Variants in CRTC1 observed in about 807,000 individuals in gnomAD.
CRTC1 encodes CREB regulated transcription coactivator 1, also known as CREB-regulated transcription coactivator 1.
CRTC1 carries 18 observed loss-of-function variants against 66.1 expected under a neutral mutation model. The ratio of observed to expected loss-of-function variants is 0.27; its 90% CI spans 0.19 to 0.40. CRTC1 has a LOEUF of 0.40. Ranked by LOEUF, CRTC1 falls within the 10% of genes least tolerant of loss-of-function variation. The pLI is 1.00. For missense variants in CRTC1, 669 were observed against 887.9 expected, an observed-to-expected ratio of 0.75 and a Z score of 3.13; for synonymous variants, 416 against 398.8, an observed-to-expected ratio of 1.04 and a Z score of -0.51.
intron 1 of CRTC1, among the ~76,000 whole-genome samples, chr19:18,687,215 G>C (rs1023959990): frequency 6.6e-6 from 1 of 151,944 alleles, no homozygotes; most frequent in Admixed American, 6.6e-5. Context: ...GGGGTTTGTA[G>C]TAGAGACCAT....
In CRTC1 at chr19:18,695,856, CT is replaced by C. The variant is rs566624499; in HGVS notation, c.126+12030del. 1.1e-4 allele frequency among the ~76,000 whole-genome samples: 17 copies of C among 152,194 alleles called. No homozygotes were observed. In the East Asian group the frequency reaches 3.3e-3, roughly 29 times the overall value. On this transcript the variant is annotated intron_variant, in intron 1 of 13. Transcript: ENST00000321949. Reference sequence around the variant, plus strand: ...CTCCAGCCTGGGCGACAGAGTGAGACTTCATCTCAAAAACAAACAAACAAAC... The same window carrying C: ...CTCCAGCCTGGGCGACAGAGTGAGACTCATCTCAAAAACAAACAAACAAAC...
intron 1 of CRTC1, among the ~76,000 whole-genome samples, chr19:18,689,638 A>T (rs1257316157): frequency 7.7e-6 from 1 of 129,978 alleles, no homozygotes; most frequent in East Asian, 2.4e-4. Flanking sequence ...ATTCAGTGGC[A>T]TTAAGTTTAT....
intron 12 of CRTC1, among the ~76,000 whole-genome samples, 183 bp downstream of exon 12, chr19:18,775,169 G>A (rs1270227230): frequency 2.0e-5 from 3 of 152,350 alleles, no homozygotes; most frequent in South Asian, 2.1e-4. Flanking sequence ...CTGAGTCCCC[G>A]GCAGGGGTGG....
At chr19:18,698,118 T>C (rs1381264830) in intron 1 of CRTC1, among the ~76,000 whole-genome samples, 1 of 149,710 alleles carries the variant, frequency 6.7e-6, no homozygotes, top group African/African-American at 2.5e-5. Context: ...AGGTGCACAG[T>C]TTGTGTTCTG....
Position 18,780,637 on chromosome 19 carries a change from G to A in CRTC1, c.*3255G>A, listed in dbSNP as rs1166786700. On this transcript the variant is annotated 3_prime_UTR_variant, in exon 14 of 14. Transcript: ENST00000321949. ...GGCTGTGAGCTGGGACCTCGCCTGA[G>A]CCCGGTCAGGTGGGACAGGAGCCTG... is the stretch of plus-strand genomic sequence containing the variant. 4.4e-6 allele frequency: 1 copy of A among 227,404 alleles called. No individual in the cohort carries two copies. Among genetic ancestry groups the A allele is most frequent in the Non-Finnish European group, 8.7e-6 (1 of 114,518 alleles). The allele number at this position is 227,404 out of a possible 1,614,324, so 14.1% of individuals were successfully genotyped here.
At chr19:18,708,776 A>G (rs576878538) in intron 1 of CRTC1, among the ~76,000 whole-genome samples, 3 of 152,266 alleles carry the variant, frequency 2.0e-5, no homozygotes, top group Admixed American at 6.5e-5. Flanking sequence ...ACCCTGTGGT[A>G]TCTTCCGTGG....
At chr19:18,749,034 C>G (rs982596249) in intron 4 of CRTC1, among the ~76,000 whole-genome samples, 3 of 152,134 alleles carry the variant, frequency 2.0e-5, no homozygotes, top group Non-Finnish European at 4.4e-5. Context: ...CACATTTTGC[C>G]TGGCAGCCAA....
intron 1 of CRTC1, among the ~76,000 whole-genome samples, chr19:18,703,999 C>G (rs961792729): frequency 4.6e-5 from 7 of 152,160 alleles, no homozygotes; most frequent in Non-Finnish European, 2.9e-5. Context: ...TTGAGGAGAG[C>G]TGGTCAGGTG....
At position 18,752,896 on chromosome 19, in the gene CRTC1, C is replaced by T. The variant is rs554387347; in HGVS notation, c.539-604C>T. ...CGGGCGATCTGCCCACCTCAGCCTC[C>T]CAAAGTGCTGGGATTACAGGCGTGA... On this transcript the variant is annotated intron_variant, in intron 5 of 13. Transcript: ENST00000321949. 7.2e-4 allele frequency among the ~76,000 whole-genome samples: 109 copies of T among 152,024 alleles called. 1 individual carries two copies. Among genetic ancestry groups the T allele is most frequent in the African/African-American group, 2.6e-3 (106 of 41,512 alleles).
chr19:18,693,259 T>C (rs1490900401), intron 1 of CRTC1, among the ~76,000 whole-genome samples: 1 of 150,380 alleles, frequency 6.6e-6, no homozygotes, highest in East Asian at 2.0e-4. Context: ...TGTGGTGGTG[T>C]GCACCTGTAG....
intron 1 of CRTC1, among the ~76,000 whole-genome samples, chr19:18,730,136 G>A (rs553772742): frequency 2.0e-4 from 30 of 152,248 alleles, no homozygotes; most frequent in Non-Finnish European, 3.4e-4. Flanking sequence ...ACCCTGGGAA[G>A]GTGGCCTGCA....
chr19:18,755,593 C>CT (rs58121199), intron 6 of CRTC1, among the ~76,000 whole-genome samples: 1,992 of 107,346 alleles, frequency 0.019, 102 homozygotes, highest in Non-Finnish European at 0.026. Flanking sequence ...CCAAACCTGG[C>CT]TTTTTTTTTT....
chr19:18,781,155 C>A lies in CRTC1; in HGVS notation c.*3773C>A. 1 of 227,480 alleles carries A rather than the reference C, an allele frequency of 4.4e-6. No individual in the cohort carries two copies. Among genetic ancestry groups the A allele is most frequent in the Non-Finnish European group, 8.7e-6 (1 of 114,486 alleles). The allele number at this position is 227,480 out of a possible 1,614,324, so 14.1% of individuals were successfully genotyped here. A position where few individuals can be genotyped will look rare whatever the true frequency, so the allele number is the denominator to read the frequency against. On this transcript the variant is annotated 3_prime_UTR_variant, in exon 14 of 14. Transcript: ENST00000321949. ...GCAGGGGCTCTCAGAGCAAGGGCCA[C>A]AAAGCCGATGGCACAGATGTGCCCC...
intron 1 of CRTC1, among the ~76,000 whole-genome samples, chr19:18,737,469 G>T (rs1341632998): frequency 2.0e-5 from 3 of 152,086 alleles, no homozygotes; most frequent in Non-Finnish European, 4.4e-5. Flanking sequence ...TGCTGGTCAT[G>T]CAGGGGTTAA....
In CRTC1 at chr19:18,781,731, TG is replaced by T; in HGVS notation, c.*4355del. The T allele has an allele frequency of 4.3e-6, 1 of 230,668 alleles. No individual in the cohort carries two copies. Among genetic ancestry groups the T allele is most frequent in the Non-Finnish European group, 8.6e-6 (1 of 116,488 alleles). The allele number at this position is 230,668 out of a possible 1,614,324, so 14.3% of individuals were successfully genotyped here. ...GGCCCCGGGCTCCTCCTGGGCAGGA[TG>T]GGGGGCAGGGGCTGGGCCTTGGGGT... On this transcript the variant is annotated 3_prime_UTR_variant, in exon 14 of 14. Coordinates refer to ENST00000321949, the MANE Select transcript of CRTC1 (RefSeq NM_015321.3).
At chr19:18,724,646 C>T (rs960390138) in intron 1 of CRTC1, among the ~76,000 whole-genome samples, 24 of 150,448 alleles carry the variant, frequency 1.6e-4, no homozygotes, top group Admixed American at 4.7e-4. Flanking sequence ...GTGGCTGCAT[C>T]GCCCCAATCC....
intron 1 of CRTC1, among the ~76,000 whole-genome samples, chr19:18,708,250 T>A (rs60021783): frequency 0.3 from 45,914 of 151,840 alleles, 7,877 homozygotes; most frequent in East Asian, 0.63. Flanking sequence ...TTGGACGTGA[T>A]CCCACAGCCA....
intron 4 of CRTC1, among the ~76,000 whole-genome samples, chr19:18,747,614 CAG>C (rs2054275662): frequency 6.6e-6 from 1 of 152,154 alleles, no homozygotes; most frequent in African/African-American, 2.4e-5. Context: ...GCCTGGGTGA[CAG>C]AGTGAGACTC....
chr19:18,777,980 G>C lies in CRTC1; in HGVS notation c.*598G>C, dbSNP rs975570681. ...TCTTTTATATTTCTGAGCACACACA[G>C]AGCCCTGGCGTCCACCGGGGCAGGC... On this transcript the variant is annotated 3_prime_UTR_variant, in exon 14 of 14. Transcript: ENST00000321949. This position sits in a 1 kb window ranked among gnomAD's most constrained non-coding sequence, Gnocchi z 5.5. 7 of 239,858 alleles carry C rather than the reference G, an allele frequency of 2.9e-5. No homozygotes were observed. Among genetic ancestry groups the C allele is most frequent in the Admixed American group, 5.6e-5 (1 of 17,808 alleles). 14.9% of individuals were successfully genotyped at this position (239,858 alleles called of 1,614,324 possible).
Sources: gnomAD v4.1 joint callset for allele counts (sites outside exome capture counted in the v4.1 genomes callset) on GRCh38, gnomAD v4.1.1 for gene constraint, Gnocchi (gnomAD v3.1) non-coding constraint, MANE v1.5 for transcripts, NCBI Gene and HGNC (gene_info 2026-07-23, HGNC 2026-07-21) for gene names.